The following TENM3 variants were observed in gnomAD, a reference collection of about 807,000 sequenced individuals.
TENM3 encodes the protein teneurin-3.
Under a neutral mutation model 255.1 loss-of-function variants are expected in TENM3, and 63 were observed. That is an observed-to-expected ratio of 0.25 (90% confidence interval 0.20 to 0.30). TENM3 has a LOEUF of 0.30. Ranked by LOEUF, TENM3 falls within the 10% of genes least tolerant of loss-of-function variation. The probability of loss-of-function intolerance (pLI) is 1.00; values close to 1 mark genes in which losing one functional copy is unlikely to be tolerated. For missense variants in TENM3, 2,929 were observed against 3,461.1 expected, an observed-to-expected ratio of 0.85 and a Z score of 3.86; for synonymous variants, 1,306 against 1,322.3, an observed-to-expected ratio of 0.99 and a Z score of 0.27.
chr4:181,644,277 G>T, the TENM3 span, among the ~76,000 whole-genome samples: 1 of 151,942 alleles, frequency 6.6e-6, no homozygotes, highest in Non-Finnish European at 1.5e-5. Flanking sequence ...ACAGAAGGGG[G>T]AATATTCTCA....
the TENM3 span, among the ~76,000 whole-genome samples, chr4:181,519,067 G>T: frequency 1.3e-5 from 2 of 152,192 alleles, no homozygotes; most frequent in African/African-American, 4.8e-5. Flanking sequence ...TAGGGAAAAA[G>T]CAAATATTTG....
At chr4:182,109,689 C>T in the TENM3 span, among the ~76,000 whole-genome samples, 3 of 152,126 alleles carry the variant, frequency 2.0e-5, no homozygotes, top group African/African-American at 4.8e-5. Context: ...TACTGAGGTC[C>T]GAATTTCACT....
chr4:182,468,892 A>G (rs1732857326), intron 3 of TENM3, among the ~76,000 whole-genome samples: 1 of 149,626 alleles, frequency 6.7e-6, no homozygotes, highest in Admixed American at 6.7e-5. Context: ...TGATTAGGCT[A>G]TTAACATCGT....
At chr4:182,121,979 A>C in the TENM3 span, among the ~76,000 whole-genome samples, 2 of 152,216 alleles carry the variant, frequency 1.3e-5, no homozygotes. Flanking sequence ...TGTATGGAAT[A>C]TTGTAAATCC....
intron 1 of TENM3, among the ~76,000 whole-genome samples, chr4:182,221,187 C>T (rs930948182): frequency 2.6e-5 from 4 of 152,110 alleles, no homozygotes; most frequent in Non-Finnish European, 5.9e-5. Flanking sequence ...AAAAAGACAC[C>T]GTGCCTTTGT....
At chr4:181,810,875 G>A in the TENM3 span, among the ~76,000 whole-genome samples, 14 of 152,214 alleles carry the variant, frequency 9.2e-5, no homozygotes, top group African/African-American at 3.4e-4. Flanking sequence ...TCTAAGGAGT[G>A]TGGGAAGATG....
At position 182,158,349 on chromosome 4, in the gene TENM3, G is replaced by A. The variant is rs140035015; in HGVS notation, c.-76+13595G>A. 3.3e-5 allele frequency among the ~76,000 whole-genome samples: 5 copies of A among 152,332 alleles called. No homozygotes were observed. The East Asian group carries it at 9.6e-4, about 29-fold the overall frequency. ...ACAAGTCTGCAGCCTGGGTTTGGCA[G>A]TTGGGCTACCAGTTTGCAACCTGTG... On this transcript the variant is annotated intron_variant, in intron 1 of 2. Transcript: ENST00000512480.
In TENM3 at chr4:182,321,326, T is replaced by C. The variant is rs541197254; in HGVS notation, c.-75-2620T>C. ...ATAGTAGTCACCCAGTAAATATTCATCTAAAATAACTTCTTGGGGCCGGGC... is the reference window on the plus strand; with the variant it reads ...ATAGTAGTCACCCAGTAAATATTCACCTAAAATAACTTCTTGGGGCCGGGC... On this transcript the variant is annotated intron_variant, in intron 1 of 27. Transcript: ENST00000511685. 1.6e-4 allele frequency among the ~76,000 whole-genome samples: 24 copies of C among 152,212 alleles called. No homozygotes were observed. In the East Asian group the frequency reaches 4.3e-3, roughly 27 times the overall value.
the TENM3 span, among the ~76,000 whole-genome samples, chr4:181,834,522 C>G: frequency 6.6e-6 from 1 of 152,220 alleles, no homozygotes; most frequent in African/African-American, 2.4e-5. Context: ...GGCATACGAG[C>G]AGCCTCCAGC....
the TENM3 span, among the ~76,000 whole-genome samples, chr4:181,963,788 A>G: frequency 6.6e-6 from 1 of 152,288 alleles, no homozygotes; most frequent in African/African-American, 2.4e-5. Context: ...CTTGTTATAT[A>G]AGTAGGTGCA....
chr4:182,471,312 A>G (rs560027032), intron 3 of TENM3, among the ~76,000 whole-genome samples: 1 of 152,354 alleles, frequency 6.6e-6, no homozygotes, highest in East Asian at 1.9e-4. Context: ...TGTTGCCTAA[A>G]GACATGGATG....
intron 3 of TENM3, among the ~76,000 whole-genome samples, chr4:182,590,538 CAAAAAA>C (rs34681777): frequency 1.3e-4 from 10 of 79,962 alleles, no homozygotes; most frequent in Admixed American, 4.8e-4. Context: ...GACCCTGTCT[CAAAAAA>C]AAAAAAAAAA....
chr4:182,260,394 G>C (rs1758703756), intron 1 of TENM3, among the ~76,000 whole-genome samples: 1 of 152,138 alleles, frequency 6.6e-6, no homozygotes, highest in Non-Finnish European at 1.5e-5. Context: ...CCATTTTTAA[G>C]TGTTCCTTTT....
chr4:181,650,275 T>G, the TENM3 span, among the ~76,000 whole-genome samples: 1 of 152,208 alleles, frequency 6.6e-6, no homozygotes, highest in African/African-American at 2.4e-5. Context: ...CTAGAATTTC[T>G]TAGACTTCTG....
the TENM3 span, among the ~76,000 whole-genome samples, chr4:181,600,343 G>A: frequency 8.5e-5 from 13 of 152,068 alleles, no homozygotes; most frequent in African/African-American, 1.9e-4. Flanking sequence ...ATGGAGGCTC[G>A]CACATGGTTA....
At chr4:182,563,396 G>A (rs535768590) in intron 3 of TENM3, among the ~76,000 whole-genome samples, 7 of 151,986 alleles carry the variant, frequency 4.6e-5, no homozygotes, top group Non-Finnish European at 7.4e-5. Flanking sequence ...ATCATGCCAC[G>A]GCACTCCAGC....
At chr4:182,331,601 C>T (rs537328211) in intron 2 of TENM3, among the ~76,000 whole-genome samples, 3 of 152,066 alleles carry the variant, frequency 2.0e-5, no homozygotes, top group South Asian at 2.1e-4. Context: ...TCAATTGTTT[C>T]ATAAAAGTTA....
At chr4:182,047,484 C>T in the TENM3 span, among the ~76,000 whole-genome samples, 7 of 141,502 alleles carry the variant, frequency 4.9e-5, no homozygotes, top group Non-Finnish European at 1.1e-4. Flanking sequence ...ATCACTTGAA[C>T]CTGGGAGGTG....
At chr4:182,306,409 C>T (rs181056019) in intron 1 of TENM3, among the ~76,000 whole-genome samples, 21 of 152,018 alleles carry the variant, frequency 1.4e-4, no homozygotes, top group East Asian at 5.8e-4. Context: ...TGAAAGCATA[C>T]GTGAAAATGT....
Sources: allele counts gnomAD v4.1 joint callset (sites outside exome capture counted in the v4.1 genomes callset), GRCh38; gene constraint gnomAD v4.1.1; transcripts MANE v1.5; gene names NCBI Gene and HGNC (gene_info 2026-07-23, HGNC 2026-07-21).